The following SNRPF variants were observed in gnomAD, a reference collection of about 807,000 sequenced individuals.
SNRPF encodes small nuclear ribonucleoprotein F.
A neutral mutation model predicts 13.4 loss-of-function variants in SNRPF; 1 was observed. That is an observed-to-expected ratio of 0.07 (90% CI 0.03 to 0.35). SNRPF has a LOEUF of 0.35. SNRPF is among the 10% of genes least tolerant of loss of function. SNRPF has a pLI of 0.99. For synonymous variants in SNRPF, 27 were observed against 32.1 expected, an observed-to-expected ratio of 0.84 and a Z score of 0.54; for missense variants, 53 against 101.0, an observed-to-expected ratio of 0.52 and a Z score of 2.04.
intron 2 of SNRPF, among the ~76,000 whole-genome samples, chr12:95,864,199 T>G (rs1182893596): frequency 6.6e-6 from 1 of 152,206 alleles, no homozygotes. Flanking sequence ...TTCATTACCA[T>G]GTTTTTCATG....
chr12:95,864,126 A>G (rs1306503168), intron 2 of SNRPF, among the ~76,000 whole-genome samples: 1 of 152,264 alleles, frequency 6.6e-6, no homozygotes, highest in East Asian at 1.9e-4. Context: ...AAACTATATC[A>G]TCTGGATAAT....
chr12:95,865,355 C>A lies in SNRPF; in HGVS notation c.161C>A (p.Ala54Asp). 6.4e-7 allele frequency: 1 copy of A among 1,568,380 alleles called. No homozygotes were observed. Among genetic ancestry groups the A allele is most frequent in the Non-Finnish European group, 8.8e-7 (1 of 1,140,014 alleles). ...AATACAGAAGAATACATAGATGGAG[C>A]TTTGTCTGGACATCTGGGTGAAGTT... The part of the protein sequence containing the change: ...LANTEEYIDG[A>D]LSGHLGEVLI... Residue 54 changes from alanine to aspartate, a missense_variant, in exon 3 of 4, where the codon GCT (alanine) becomes GAT (aspartate). By Grantham distance (126) the Ala-to-Asp change is moderately radical. Coordinates refer to ENST00000266735, the MANE Select transcript of SNRPF (RefSeq NM_003095.5).
At chr12:95,864,110 C>T (rs1270482437) in intron 2 of SNRPF, among the ~76,000 whole-genome samples, 1 of 152,202 alleles carries the variant, frequency 6.6e-6, no homozygotes, top group Non-Finnish European at 1.5e-5. Flanking sequence ...TCGTATATTT[C>T]AGACAAAACT....
chr12:95,863,848 C>G (rs2079508323), intron 2 of SNRPF, among the ~76,000 whole-genome samples: 1 of 152,174 alleles, frequency 6.6e-6, no homozygotes, highest in Non-Finnish European at 1.5e-5. Flanking sequence ...GTGGCAGAAG[C>G]ATGCTTGGTG....
At position 95,859,035 on chromosome 12, in the gene SNRPF, T is replaced by C; in HGVS notation, c.-39T>C. The C allele has an allele frequency of 6.2e-7, 1 of 1,611,154 alleles. No individual in the cohort carries two copies. The highest frequency in any genetic ancestry group is 8.5e-7 in the Non-Finnish European group (1 of 1,179,254). On this transcript the variant is annotated 5_prime_UTR_variant, in exon 1 of 4. Coordinates refer to ENST00000266735, the MANE Select transcript of SNRPF (RefSeq NM_003095.5). ...TCACGAGGGACGGGCGGCGGCCTGG[T>C]CGGCAGAGAGTAGCCTGCAACATTC...
At chr12:95,865,934 TA>T (rs145705085) in intron 3 of SNRPF, 70 bp from the exon 4 acceptor site, 28,712 of 643,476 alleles carry the variant, frequency 0.045, 2,454 homozygotes, top group East Asian at 0.36. Context: ...ATTTTCATAA[TA>T]AAAATATAGT....
At chr12:95,861,879 A>T (rs960505059) in intron 2 of SNRPF, 2 of 152,352 alleles carry the variant, frequency 1.3e-5, no homozygotes, top group Non-Finnish European at 2.9e-5. Flanking sequence ...ATTCAGTGGC[A>T]TTAAGTACCT....
intron 1 of SNRPF, among the ~76,000 whole-genome samples, chr12:95,860,222 C>G (rs1287871876): frequency 6.6e-6 from 1 of 152,224 alleles, no homozygotes; most frequent in South Asian, 2.1e-4. Context: ...CAAGCGTGAT[C>G]TGCCCTCTGC....
intron 1 of SNRPF, among the ~76,000 whole-genome samples, chr12:95,859,978 G>A (rs1386646577): frequency 6.6e-6 from 1 of 152,122 alleles, no homozygotes; most frequent in African/African-American, 2.4e-5. Flanking sequence ...TGGAGTAATC[G>A]CCATATCAAG....
Position 95,859,016 on chromosome 12 carries a change from G to C in SNRPF, c.-58G>C, listed in dbSNP as rs2079478915. 2 of 1,607,974 alleles carry C rather than the reference G, an allele frequency of 1.2e-6. No individual in the cohort carries two copies. Among genetic ancestry groups the C allele is most frequent in the East Asian group, 2.2e-5 (1 of 44,578 alleles). On this transcript the variant is annotated 5_prime_UTR_variant, in exon 1 of 4. Transcript: ENST00000266735. ...CCTGCGGTACCTGCTGTAGTCACGAGGGACGGGCGGCGGCCTGGTCGGCAG... is the reference window on the plus strand; with the variant it reads ...CCTGCGGTACCTGCTGTAGTCACGACGGACGGGCGGCGGCCTGGTCGGCAG...
At chr12:95,861,058 G>T (rs778467690) in intron 1 of SNRPF, 110 bp from the exon 2 acceptor site, 61 of 942,162 alleles carry the variant, frequency 6.5e-5, no homozygotes, top group Non-Finnish European at 9.0e-5. Flanking sequence ...ATAATAAGGA[G>T]TCAAAAGTTT....
intron 1 of SNRPF, among the ~76,000 whole-genome samples, chr12:95,859,686 C>T (rs1055727111): frequency 6.6e-6 from 1 of 151,962 alleles, no homozygotes; most frequent in African/African-American, 2.4e-5. Flanking sequence ...GACCTGCGGC[C>T]GGAAAGAAAG....
At chr12:95,864,719 A>G (rs2079513128) in intron 2 of SNRPF, among the ~76,000 whole-genome samples, 1 of 152,236 alleles carries the variant, frequency 6.6e-6, no homozygotes, top group Non-Finnish European at 1.5e-5. Context: ...AGCTTGGGCA[A>G]TATAGCAAGA....
Position 95,858,984 on chromosome 12 carries a change from CTCGGGACCTGCGGT to C in SNRPF, c.-89_-76del, listed in dbSNP as rs1401235022. 3 of 1,586,760 alleles carry C rather than the reference CTCGGGACCTGCGGT, an allele frequency of 1.9e-6. No individual in the cohort carries two copies. The Admixed American group carries it at 5.5e-5, about 29-fold the overall frequency. On this transcript the variant is annotated 5_prime_UTR_variant, in exon 1 of 4. Transcript: ENST00000266735. Reference sequence around the variant, plus strand: ...GCGGCCATTTCTCTTGAAACTGCGGCTCGGGACCTGCGGTACCTGCTGTAGTCACGAGGGACGGG... The same window carrying C: ...GCGGCCATTTCTCTTGAAACTGCGGCACCTGCTGTAGTCACGAGGGACGGG...
rs1324085763 is a variant in SNRPF at position 95,861,114 on chromosome 12, G to GT, written c.4-52dup. ...AATATTGGTGATTCGGTAGAAGAGA[G>GT]TTGGTGGTGGGAGGAAAAATAATTA... On this transcript the variant is annotated intron_variant, in intron 1 of 3. Transcript: ENST00000266735. The GT allele has an allele frequency of 2.8e-5, 43 of 1,545,180 alleles. No individual in the cohort carries two copies. In the East Asian group the frequency reaches 9.9e-4, roughly 36 times the overall value.
intron 2 of SNRPF, among the ~76,000 whole-genome samples, chr12:95,863,994 T>A (rs1340710646): frequency 6.6e-6 from 1 of 152,206 alleles, no homozygotes; most frequent in Non-Finnish European, 1.5e-5. Flanking sequence ...GGAACATTAT[T>A]GTGTAATTTA....
rs1482563927 is a variant in SNRPF at position 95,861,428 on chromosome 12, A to G, written c.129+135A>G. 38 of 760,972 alleles carry G rather than the reference A, an allele frequency of 5.0e-5. No individual in the cohort carries two copies. In the Admixed American group the frequency reaches 1.1e-3, roughly 22 times the overall value. The allele number at this position is 760,972 out of a possible 1,614,324, so 47.1% of individuals were successfully genotyped here. A position where few individuals can be genotyped will look rare whatever the true frequency, so the allele number is the denominator to read the frequency against. On this transcript the variant is annotated intron_variant, in intron 2 of 3. Transcript: ENST00000266735. ...TACGGCAAAATTCAAAAATAAAGTC[A>G]AAGCCAGGAGGGATACTGTGATATA...
chr12:95,863,668 A>C (rs944269541), intron 2 of SNRPF, among the ~76,000 whole-genome samples: 1 of 152,254 alleles, frequency 6.6e-6, no homozygotes, highest in Admixed American at 6.5e-5. Flanking sequence ...GATAATAGGC[A>C]TGATAGATGC....
intron 2 of SNRPF, chr12:95,861,616 A>G: frequency 4.4e-6 from 1 of 228,538 alleles, no homozygotes; most frequent in East Asian, 1.6e-4. Context: ...GCCCTGAAAG[A>G]AAGTTTTCAA....
Sources: gnomAD v4.1 joint callset for allele counts (sites outside exome capture counted in the v4.1 genomes callset) on GRCh38, gnomAD v4.1.1 for gene constraint, MANE v1.5 for transcripts, NCBI Gene and HGNC (gene_info 2026-07-23, HGNC 2026-07-21) for gene names.